The following NEGR1 variants were observed in gnomAD, a reference collection of about 807,000 sequenced individuals.
NEGR1 encodes IgLON family member 4.
NEGR1 carries 10 observed loss-of-function variants against 40.9 expected under a neutral mutation model. The observed-to-expected ratio is 0.24, with a 90% CI of 0.15 to 0.42. The LOEUF is 0.42. Ranked by LOEUF, NEGR1 falls within the 10% of genes least tolerant of loss-of-function variation. The pLI, the probability that NEGR1 is intolerant of heterozygous loss-of-function variation, is 1.00. For missense variants in NEGR1, 352 were observed against 438.9 expected (o/e 0.80, Z 1.77); for synonymous variants, 185 against 166.8 (o/e 1.11, Z -0.84).
chr1:71,817,823 G>A (rs2101771665), intron 2 of NEGR1, among the ~76,000 whole-genome samples: 1 of 152,130 alleles, frequency 6.6e-6, no homozygotes, highest in South Asian at 2.1e-4. Flanking sequence ...AGCACTGCTG[G>A]TGTTCTACAG....
intron 6 of NEGR1, among the ~76,000 whole-genome samples, chr1:71,495,851 TC>T (rs2101392857): frequency 6.6e-6 from 1 of 152,294 alleles, no homozygotes; most frequent in South Asian, 2.1e-4. Context: ...ACAAAATAGT[TC>T]AACAGTTCTA....
intron 3 of NEGR1, among the ~76,000 whole-genome samples, chr1:71,769,154 AT>A (rs1386063010): frequency 6.6e-6 from 1 of 151,664 alleles, no homozygotes; most frequent in African/African-American, 2.4e-5. Flanking sequence ...TATAATTGAA[AT>A]TTTTTTCCTT....
rs370109166 is a variant in NEGR1 at position 71,605,606 on chromosome 1, C to T, written c.788+5420G>A. On this transcript the variant is annotated intron_variant, in intron 5 of 6. Transcript: ENST00000357731. ...AATTTCATATCACCAAAAACGTTTG[C>T]TTAATGATACTTTGGATGTTCTGAA... Among the ~76,000 whole-genome samples the T allele has an allele frequency of 7.0e-4, 107 of 152,312 alleles. 1 individual carries two copies. Among genetic ancestry groups the T allele is most frequent in the African/African-American group, 2.5e-3 (104 of 41,572 alleles).
intron 1 of NEGR1, among the ~76,000 whole-genome samples, chr1:72,110,158 C>A (rs977457655): frequency 6.8e-6 from 1 of 146,612 alleles, no homozygotes; most frequent in African/African-American, 2.5e-5. Context: ...GTAATTTCCA[C>A]CAGCAATGCA....
At position 71,410,349 on chromosome 1, in the gene NEGR1, G is replaced by C. The variant is rs543794701; in HGVS notation, c.941-2779C>G. 2.0e-3 allele frequency among the ~76,000 whole-genome samples: 302 copies of C among 152,178 alleles called. 2 individuals are homozygous for C. The highest frequency in any genetic ancestry group is 3.7e-3 in the Non-Finnish European group (252 of 67,954). On this transcript the variant is annotated intron_variant, in intron 6 of 6. Transcript: ENST00000357731. ...CCTAATGTCAAGTTACATGTCACCA[G>C]TCGTACTCTTTAAATATCTACTGAA...
chr1:71,403,461 T>G lies in NEGR1; in HGVS notation c.*3985A>C, dbSNP rs139010918. 2.1e-4 allele frequency: 32 copies of G among 153,822 alleles called. No homozygotes were observed. The East Asian group carries it at 6.1e-3, about 29-fold the overall frequency. 9.5% of individuals were successfully genotyped at this position (153,822 alleles called of 1,614,324 possible). On this transcript the variant is annotated 3_prime_UTR_variant, in exon 7 of 7. Transcript: ENST00000357731. Reference sequence around the variant, plus strand: ...TATTTTACCAGGTAAAGGTTCTAAATAATTAATAATAAAATGTTTCCAGAA... The same window carrying G: ...TATTTTACCAGGTAAAGGTTCTAAAGAATTAATAATAAAATGTTTCCAGAA...
chr1:72,061,270 T>C (rs776487137), intron 1 of NEGR1, among the ~76,000 whole-genome samples: 2 of 151,844 alleles, frequency 1.3e-5, no homozygotes, highest in Non-Finnish European at 2.9e-5. Context: ...AGTGACCTAA[T>C]TAACATCTGA....
chr1:72,189,638 T>C (rs1359470869), intron 1 of NEGR1, among the ~76,000 whole-genome samples: 1 of 151,558 alleles, frequency 6.6e-6, no homozygotes, highest in African/African-American at 2.4e-5. Context: ...ATGTTGTTTG[T>C]TTAATGATTG....
At chr1:71,830,872 A>T (rs1276244481) in intron 2 of NEGR1, among the ~76,000 whole-genome samples, 1 of 151,880 alleles carries the variant, frequency 6.6e-6, no homozygotes. Context: ...AATACATAAC[A>T]CCATGTGTTA....
chr1:72,073,429 ATCTC>A (rs1183921322), intron 1 of NEGR1, among the ~76,000 whole-genome samples: 1 of 152,102 alleles, frequency 6.6e-6, no homozygotes, highest in African/African-American at 2.4e-5. Context: ...TTCCTCTATT[ATCTC>A]TCTATGTATC....
chr1:71,503,311 G>A (rs946587723), intron 6 of NEGR1, among the ~76,000 whole-genome samples: 29 of 152,180 alleles, frequency 1.9e-4, no homozygotes, highest in African/African-American at 6.3e-4. Context: ...GCTGGATCAA[G>A]GAATTAGCAC....
chr1:72,220,054 C>A (rs1230909705), intron 1 of NEGR1, among the ~76,000 whole-genome samples: 1 of 151,866 alleles, frequency 6.6e-6, no homozygotes, highest in East Asian at 1.9e-4. Flanking sequence ...GAAACTATTT[C>A]CCATGTTAAT....
chr1:71,958,434 G>A (rs7513441), intron 1 of NEGR1, among the ~76,000 whole-genome samples: 42,231 of 152,006 alleles, frequency 0.28, 6,313 homozygotes, highest in African/African-American at 0.39. Flanking sequence ...TAAAAACTAT[G>A]AAATATAAGA....
chr1:72,001,914 A>AT (rs1646560891), intron 1 of NEGR1, among the ~76,000 whole-genome samples: 1 of 151,928 alleles, frequency 6.6e-6, no homozygotes, highest in Non-Finnish European at 1.5e-5. Flanking sequence ...ATAGACATGT[A>AT]TTTTTTCCTG....
chr1:72,260,907 A>C (rs1655431646), intron 1 of NEGR1, among the ~76,000 whole-genome samples: 1 of 152,098 alleles, frequency 6.6e-6, no homozygotes, highest in South Asian at 2.1e-4. Flanking sequence ...ATTGTTGAAG[A>C]TTAACAAAAT....
intron 2 of NEGR1, among the ~76,000 whole-genome samples, chr1:71,846,491 A>G (rs1463899289): frequency 6.6e-6 from 1 of 151,644 alleles, no homozygotes; most frequent in East Asian, 1.9e-4. Flanking sequence ...TGGGGGAAAA[A>G]ATGTGAATAA....
At chr1:71,634,220 A>G (rs1651067365) in intron 4 of NEGR1, among the ~76,000 whole-genome samples, 1 of 152,092 alleles carries the variant, frequency 6.6e-6, no homozygotes. Context: ...GCAGATAAAT[A>G]ACATAGAAAC....
chr1:72,254,902 A>T (rs1348632986), intron 1 of NEGR1, among the ~76,000 whole-genome samples: 1 of 151,748 alleles, frequency 6.6e-6, no homozygotes, highest in South Asian at 2.1e-4. Flanking sequence ...AGCTGTTCTT[A>T]TTTCTTTATA....
intron 6 of NEGR1, among the ~76,000 whole-genome samples, chr1:71,453,380 A>C (rs778783435): frequency 1.8e-4 from 28 of 152,254 alleles, no homozygotes; most frequent in Middle Eastern, 6.8e-3. Flanking sequence ...ATATTAGGTA[A>C]GCTTTGGATA....
Sources: gnomAD v4.1 joint callset for allele counts (sites outside exome capture counted in the v4.1 genomes callset) on GRCh38, gnomAD v4.1.1 for gene constraint, MANE v1.5 for transcripts, NCBI Gene and HGNC (gene_info 2026-07-23, HGNC 2026-07-21) for gene names.